CEP15: variants seen among roughly 807,000 people sequenced by gnomAD.
CEP15 encodes centrosomal protein 15.
the CEP15 span, chr3:62,331,350 T>C: frequency 1.2e-6 from 2 of 1,613,020 alleles, no homozygotes; most frequent in Non-Finnish European, 1.7e-6. Flanking sequence ...GAAAAGTCAC[T>C]ACAGACCAGG....
the CEP15 span, among the ~76,000 whole-genome samples, chr3:62,322,894 G>A: frequency 6.6e-6 from 1 of 152,156 alleles, no homozygotes; most frequent in Non-Finnish European, 1.5e-5. The surrounding 1 kb of genome is among the most constrained non-coding windows in gnomAD (Gnocchi z 5.5). Context: ...GCTTCTGGCA[G>A]TTTGATCCAC....
the CEP15 span, among the ~76,000 whole-genome samples, chr3:62,328,613 A>T: frequency 6.6e-6 from 1 of 152,188 alleles, no homozygotes; most frequent in Non-Finnish European, 1.5e-5. Context: ...TCAAGTAAGC[A>T]TTGCCTCCCT....
chr3:62,327,663 A>G, the CEP15 span, among the ~76,000 whole-genome samples: 1 of 152,178 alleles, frequency 6.6e-6, no homozygotes, highest in African/African-American at 2.4e-5. Flanking sequence ...TTCTCTTTCA[A>G]TAGCTTGTAA....
At chr3:62,327,428 T>G in the CEP15 span, among the ~76,000 whole-genome samples, 1 of 152,172 alleles carries the variant, frequency 6.6e-6, no homozygotes, top group Non-Finnish European at 1.5e-5. Flanking sequence ...AGTGTATGTT[T>G]TGCACTTACA....
the CEP15 span, among the ~76,000 whole-genome samples, chr3:62,325,535 G>C: frequency 6.6e-6 from 1 of 152,174 alleles, no homozygotes; most frequent in Non-Finnish European, 1.5e-5. Flanking sequence ...ATAAAAGATA[G>C]TGAACTTTGA....
chr3:62,333,395 T>G, the CEP15 span: 1 of 1,607,428 alleles, frequency 6.2e-7, no homozygotes, highest in Non-Finnish European at 8.5e-7. This position sits in a 1 kb window ranked among gnomAD's most constrained non-coding sequence, Gnocchi z 4.0. Context: ...GATAACTTCT[T>G]CACATGCTAT....
At chr3:62,319,544 C>A in the CEP15 span, 2 of 152,242 alleles carry the variant, frequency 1.3e-5, no homozygotes, top group Non-Finnish European at 2.9e-5. Context: ...TTTCCGTTTT[C>A]CTTGGCCGGG....
chr3:62,325,503 T>C, the CEP15 span, among the ~76,000 whole-genome samples: 2 of 152,180 alleles, frequency 1.3e-5, no homozygotes, highest in Non-Finnish European at 2.9e-5. Context: ...TAGTGAAGAA[T>C]AGGCTTCAGT....
chr3:62,319,094 C>T, the CEP15 span: 1 of 152,370 alleles, frequency 6.6e-6, no homozygotes, highest in Admixed American at 6.5e-5. Context: ...CCCTGACTGC[C>T]TGACGGCCGC....
the CEP15 span, among the ~76,000 whole-genome samples, chr3:62,329,491 C>T: frequency 7.2e-5 from 11 of 152,080 alleles, no homozygotes; most frequent in Admixed American, 1.3e-4. Flanking sequence ...GAAAAATTAG[C>T]GAGCTAAAGA....
chr3:62,331,925 A>G, the CEP15 span, among the ~76,000 whole-genome samples: 114 of 152,272 alleles, frequency 7.5e-4, no homozygotes, highest in Admixed American at 7.3e-3. Flanking sequence ...TTTGTGATGA[A>G]TGGGAATTTA....
the CEP15 span, among the ~76,000 whole-genome samples, chr3:62,332,263 C>T: frequency 6.6e-6 from 1 of 152,132 alleles, no homozygotes; most frequent in Admixed American, 6.6e-5. Flanking sequence ...TTTTTCTTAA[C>T]TAGTCTTTCA....
chr3:62,322,157 T>TTCTACTTATTACTG, the CEP15 span: 4 of 1,172,514 alleles, frequency 3.4e-6, no homozygotes, highest in Non-Finnish European at 4.9e-6. The surrounding 1 kb of genome is among the most constrained non-coding windows in gnomAD (Gnocchi z 5.5). Context: ...TTCTCAGTAA[T>TTCTACTTATTACTG]AAGTAGAATT....
the CEP15 span, among the ~76,000 whole-genome samples, chr3:62,321,308 T>G: frequency 6.6e-6 from 1 of 152,366 alleles, no homozygotes; most frequent in East Asian, 1.9e-4. This position sits in a 1 kb window ranked among gnomAD's most constrained non-coding sequence, Gnocchi z 4.1. Context: ...GATGTTTACT[T>G]GTAATTTTTT....
At chr3:62,329,461 C>T in the CEP15 span, among the ~76,000 whole-genome samples, 1 of 152,098 alleles carries the variant, frequency 6.6e-6, no homozygotes, top group Non-Finnish European at 1.5e-5. Context: ...TAAGAAAGCT[C>T]ACACTTAGGA....
the CEP15 span, chr3:62,333,421 T>A: frequency 6.2e-7 from 1 of 1,600,282 alleles, no homozygotes; most frequent in East Asian, 2.2e-5. The surrounding 1 kb of genome is among the most constrained non-coding windows in gnomAD (Gnocchi z 4.0). Flanking sequence ...AAAGCCTGTT[T>A]AATAAAGCTG....
the CEP15 span, chr3:62,319,233 G>A: frequency 1.3e-5 from 2 of 152,490 alleles, no homozygotes; most frequent in African/African-American, 4.8e-5. Flanking sequence ...CTCTGAGAAG[G>A]TGCGGATCTT....
the CEP15 span, among the ~76,000 whole-genome samples, chr3:62,326,022 CAAAAAAAAAA>C: frequency 9.4e-6 from 1 of 106,756 alleles, no homozygotes; most frequent in Non-Finnish European, 2.0e-5. Flanking sequence ...GACTTCGTCT[CAAAAAAAAAA>C]AAAAAAAAGG....
At chr3:62,331,030 T>C in the CEP15 span, among the ~76,000 whole-genome samples, 3 of 152,178 alleles carry the variant, frequency 2.0e-5, no homozygotes, top group African/African-American at 7.2e-5. Flanking sequence ...AGCAGTATTA[T>C]AAGACACTCT....
Sources: gnomAD v4.1 joint callset for allele counts (sites outside exome capture counted in the v4.1 genomes callset) on GRCh38, gnomAD v4.1.1 for gene constraint, Gnocchi (gnomAD v3.1) non-coding constraint, MANE v1.5 for transcripts, NCBI Gene and HGNC (gene_info 2026-07-23, HGNC 2026-07-21) for gene names.